The following CHMP4A variants were observed in gnomAD, a reference collection of about 807,000 sequenced individuals.
CHMP4A encodes charged multivesicular body protein 4A.
Under a neutral mutation model 28.2 loss-of-function variants are expected in CHMP4A, and 29 were observed. The observed-to-expected ratio is 1.03, with a 90% CI of 0.77 to 1.40. CHMP4A has a LOEUF of 1.40. CHMP4A is among the 40% of genes most tolerant of loss of function. CHMP4A has a pLI of 0.00. For synonymous variants in CHMP4A, 88 were observed against 99.3 expected (o/e 0.89, Z 0.67); for missense variants, 241 against 263.5 (o/e 0.91, Z 0.59).
intron 3 of CHMP4A, 159 bp from the exon 4 acceptor site, chr14:24,210,927 T>G (rs1423829053): frequency 1.6e-6 from 1 of 624,420 alleles, no homozygotes; most frequent in African/African-American, 1.8e-5. Context: ...ATGCAAGTTG[T>G]GATCCCAGCA....
Position 24,209,685 on chromosome 14 carries a change from TC to T in CHMP4A, c.*191del. On this transcript the variant is annotated 3_prime_UTR_variant, in exon 6 of 6. Coordinates refer to ENST00000347519, the MANE Select transcript of CHMP4A (RefSeq NM_014169.5). Reference sequence around the variant, plus strand: ...ATCAAAGAGAAGGGAGCCCAAGGGCTCCTTCTGTAGCAAGATCCTTCTTCAG... The same window carrying T: ...ATCAAAGAGAAGGGAGCCCAAGGGCTCTTCTGTAGCAAGATCCTTCTTCAG... 1 of 622,554 alleles carries T rather than the reference TC, an allele frequency of 1.6e-6. No individual in the cohort carries two copies. Among genetic ancestry groups the T allele is most frequent in the South Asian group, 1.8e-5 (1 of 54,302 alleles). 38.6% of individuals were successfully genotyped at this position (622,554 alleles called of 1,614,324 possible). A position where few individuals can be genotyped will look rare whatever the true frequency, so the allele number is the denominator to read the frequency against.
chr14:24,211,611 T>C lies in CHMP4A; in HGVS notation c.182-19A>G. ...AGGGCAGCTGACCCAGCCCATACCC[T>C]GAACATCAAGAGTCAGAAGCACCTG... is the stretch of plus-strand genomic sequence containing the variant. On this transcript the variant is annotated intron_variant, in intron 2 of 5. Transcript: ENST00000347519. The C allele has an allele frequency of 1.2e-6, 2 of 1,610,782 alleles. No individual in the cohort carries two copies. The highest frequency in any genetic ancestry group is 8.5e-7 in the Non-Finnish European group (1 of 1,177,080).
At position 24,209,923 on chromosome 14, in the gene CHMP4A, T is replaced by A; in HGVS notation, c.623A>T (p.Asp208Val). 6.2e-7 allele frequency: 1 copy of A among 1,614,092 alleles called. No homozygotes were observed. The highest frequency in any genetic ancestry group is 8.5e-7 in the Non-Finnish European group (1 of 1,179,988). The stretch of plus-strand genomic sequence containing the variant: ...CTGCTTTAGTGCTTCTTCATCTTCA[T>A]CCACTTTGGGAGCTTTGAGGACAAA... Reference protein sequence around the residue: ...HLPAGPAPKVDEDEEALKQLA... With the variant: ...HLPAGPAPKVVEDEEALKQLA... Residue 208 changes from aspartate to valine, a missense_variant, in exon 6 of 6, where the codon GAT (aspartate) becomes GTT (valine). Transcript: ENST00000347519.
rs980076052 is a variant in CHMP4A at position 24,211,661 on chromosome 14, G to C, written c.181+19C>G. The C allele has an allele frequency of 6.2e-7, 1 of 1,613,222 alleles. No homozygotes were observed. The highest frequency in any genetic ancestry group is 1.3e-5 in the African/African-American group (1 of 74,876). On this transcript the variant is annotated intron_variant, in intron 2 of 5. Coordinates refer to ENST00000347519, the MANE Select transcript of CHMP4A (RefSeq NM_014169.5). ...GCTTCCCATCTGGGCCCTCCCCATA[G>C]GCTTGTTTCCCTCATTACCTCTCTT...
intron 5 of CHMP4A, 118 bp downstream of exon 5, chr14:24,210,230 A>G (rs1022405603): frequency 7.3e-7 from 1 of 1,375,978 alleles, no homozygotes; most frequent in Non-Finnish European, 1.0e-6. Context: ...AACCTGCACA[A>G]CTGCAGCAGC....
In CHMP4A at chr14:24,210,361, C is replaced by T; in HGVS notation, c.597G>A (p.Leu199=). ...AACCCTGCATACCTGGCCCTGCCGG[C>T]AGATGAGTAGAAGGTACACTAGGCA... ...VKLPSVPSTH[L]PAGPAPKVDE... is the part of the protein sequence containing the mutation. The change falls in exon 5 of 6, where the codon CTG becomes CTA. Residue 199 remains leucine (L), a synonymous_variant. Transcript: ENST00000347519. The T allele has an allele frequency of 6.2e-7, 1 of 1,613,978 alleles. No homozygotes were observed. Among genetic ancestry groups the T allele is most frequent in the Non-Finnish European group, 8.5e-7 (1 of 1,179,958 alleles).
At chr14:24,211,372 T>C in intron 3 of CHMP4A, 43 bp downstream of exon 3, 1 of 1,545,538 alleles carries the variant, frequency 6.5e-7, no homozygotes, top group Non-Finnish European at 8.8e-7. Context: ...CAAGCCACTC[T>C]TCCCAGTGCC....
chr14:24,211,836 A>C lies in CHMP4A; in HGVS notation c.32-7T>G. On this transcript the variant is annotated splice_region_variant and splice_polypyrimidine_tract_variant and intron_variant, in intron 1 of 5. Transcript: ENST00000347519. ...GGCCCTTTCTCCTTCTTCCCTGAGG[A>C]GTCCAGTGGAGTAGGCCCAAATTTT... 6.3e-7 allele frequency: 1 copy of C among 1,596,938 alleles called. No individual in the cohort carries two copies. The highest frequency in any genetic ancestry group is 2.2e-5 in the East Asian group (1 of 44,748).
chr14:24,211,367 C>T (rs2039588920), intron 3 of CHMP4A, 48 bp downstream of exon 3: 2 of 1,515,584 alleles, frequency 1.3e-6, no homozygotes, highest in Non-Finnish European at 9.0e-7. Flanking sequence ...GATAGCAAGC[C>T]ACTCTTCCCA....
At chr14:24,212,387 G>A (rs964177664) in intron 1 of CHMP4A, among the ~76,000 whole-genome samples, 3 of 151,672 alleles carry the variant, frequency 2.0e-5, no homozygotes, top group Admixed American at 1.3e-4. Context: ...GAGCCACCGC[G>A]CCAGGACTTC....
At chr14:24,211,625 C>A in intron 2 of CHMP4A, 33 bp from the exon 3 acceptor site, 1 of 1,610,466 alleles carries the variant, frequency 6.2e-7, no homozygotes, top group South Asian at 1.1e-5. Context: ...CATCAAGAGT[C>A]AGAAGCACCT....
Position 24,211,406 on chromosome 14 carries a change from C to A in CHMP4A, c.359+9G>T, listed in dbSNP as rs770110589. On this transcript the variant is annotated intron_variant, in intron 3 of 5. Coordinates refer to ENST00000347519, the MANE Select transcript of CHMP4A (RefSeq NM_014169.5). The stretch of plus-strand genomic sequence containing the variant: ...CCTGGGTCCCCTCCACCCCTCCCCC[C>A]GTACCCACATGTCCTGGTAGGCCTT... 5 of 1,593,050 alleles carry A rather than the reference C, an allele frequency of 3.1e-6. No individual in the cohort carries two copies. In the African/African-American group the frequency reaches 6.7e-5, roughly 21 times the overall value.
chr14:24,210,454 C>CAGCTCCTCT lies in CHMP4A; in HGVS notation c.495_503dup (p.Glu167_Glu169dup), dbSNP rs755772533. ...ACTCCTGGGCCAATTCCTCCTGCTC[C>CAGCTCCTCT]AGCTCCTCTAGCTCCTCCAGCAGTT... On this transcript the variant is annotated inframe_insertion, in exon 5 of 6. Transcript: ENST00000347519. 6.2e-7 allele frequency: 1 copy of CAGCTCCTCT among 1,614,108 alleles called. No homozygotes were observed. The highest frequency in any genetic ancestry group is 8.5e-7 in the Non-Finnish European group (1 of 1,180,006).
At chr14:24,212,722 ATTT>A (rs71119067) in intron 1 of CHMP4A, 6 of 151,862 alleles carry the variant, frequency 4.0e-5, no homozygotes, top group South Asian at 1.2e-4. Context: ...CAACCAGCTA[ATTT>A]TTTTTTTTTT....
intron 1 of CHMP4A, 35 bp from the exon 2 acceptor site, chr14:24,211,864 G>A (rs780267441): frequency 4.4e-6 from 7 of 1,573,376 alleles, no homozygotes; most frequent in Non-Finnish European, 6.0e-6. Context: ...CAAATTTTGT[G>A]AAGGAAAAAT....
chr14:24,212,026 T>C (rs1319724280), intron 1 of CHMP4A, 197 bp from the exon 2 acceptor site: 6 of 522,506 alleles, frequency 1.1e-5, no homozygotes, highest in Non-Finnish European at 2.0e-5. Flanking sequence ...TAATAAGAGA[T>C]TGTGCAGGAA....
chr14:24,209,879 A>T lies in CHMP4A; in HGVS notation c.667T>A (p.Ter223ArgextTer1). Residue 223 changes from the stop codon to arginine (R), a stop_lost, in exon 6 of 6, where the codon TGA becomes AGA. Coordinates refer to ENST00000347519, the MANE Select transcript of CHMP4A (RefSeq NM_014169.5). ...ALKQLAEWVS[*>R] ...TTAGGAAGACAAGCCCAGATTTATC[A>T]GGATACCCACTCAGCCAACTGCTTT... The T allele has an allele frequency of 6.2e-7, 1 of 1,613,870 alleles. No homozygotes were observed. The highest frequency in any genetic ancestry group is 8.5e-7 in the Non-Finnish European group (1 of 1,179,718).
chr14:24,213,211 A>G, intron 1 of CHMP4A, 198 bp downstream of exon 1: 1 of 580,052 alleles, frequency 1.7e-6, no homozygotes, highest in Non-Finnish European at 2.8e-6. Flanking sequence ...GGACGGGAAC[A>G]AGGCGCCCCG....
intron 5 of CHMP4A, among the ~76,000 whole-genome samples, 177 bp from the exon 6 acceptor site, chr14:24,210,112 C>A (rs1458721917): frequency 6.6e-6 from 1 of 151,896 alleles, no homozygotes. Flanking sequence ...CACCTTTGTG[C>A]AAATTAGAAA....
Sources: gnomAD v4.1 joint callset for allele counts (sites outside exome capture counted in the v4.1 genomes callset) on GRCh38, gnomAD v4.1.1 for gene constraint, MANE v1.5 for transcripts, NCBI Gene and HGNC (gene_info 2026-07-23, HGNC 2026-07-21) for gene names.